The following PDE10A variants were observed in gnomAD, a reference collection of about 807,000 sequenced individuals.
PDE10A encodes the protein cAMP and cAMP-inhibited cGMP 3',5'-cyclic phosphodiesterase 10A.
PDE10A carries 39 observed loss-of-function variants against 97.7 expected under a neutral mutation model. The ratio of observed to expected loss-of-function variants is 0.40; its 90% CI spans 0.31 to 0.52. The LOEUF is 0.52. Ranked by LOEUF, PDE10A falls within the 20% of genes least tolerant of loss-of-function variation. PDE10A has a pLI of 0.56. For missense variants in PDE10A, 731 were observed against 1,047.8 expected, an observed-to-expected ratio of 0.70 and a Z score of 4.17; for synonymous variants, 371 against 376.8, an observed-to-expected ratio of 0.98 and a Z score of 0.18.
intron 19 of PDE10A, 111 bp downstream of exon 19, chr6:165,343,280 A>T: frequency 1.3e-6 from 1 of 761,098 alleles, no homozygotes; most frequent in Non-Finnish European, 2.3e-6. Flanking sequence ...GTGACTCACC[A>T]CAGTTCTCTG....
intron 21 of PDE10A, among the ~76,000 whole-genome samples, chr6:165,334,170 G>T (rs183111357): frequency 6.6e-6 from 1 of 152,356 alleles, no homozygotes; most frequent in Admixed American, 6.5e-5. Context: ...TGGCCTTTAA[G>T]AAGTTATGTG....
At chr6:165,935,311 T>C (rs1783287391) in intron 1 of PDE10A, among the ~76,000 whole-genome samples, 1 of 152,180 alleles carries the variant, frequency 6.6e-6, no homozygotes, top group Admixed American at 6.5e-5. Flanking sequence ...AAAATGTGTG[T>C]GCAAAGGCAC....
intron 1 of PDE10A, among the ~76,000 whole-genome samples, chr6:165,631,550 T>C (rs1456516160): frequency 1.3e-5 from 2 of 152,232 alleles, no homozygotes; most frequent in African/African-American, 4.8e-5. Flanking sequence ...TGCTAAGTTA[T>C]CTACATTACT....
At chr6:165,557,509 A>G (rs1784315108) in intron 1 of PDE10A, among the ~76,000 whole-genome samples, 1 of 152,178 alleles carries the variant, frequency 6.6e-6, no homozygotes, top group East Asian at 1.9e-4. Flanking sequence ...GGTATTCTAT[A>G]AATTATTCCT....
At chr6:165,650,972 GT>G in intron 1 of PDE10A, among the ~76,000 whole-genome samples, 1 of 152,260 alleles carries the variant, frequency 6.6e-6, no homozygotes, top group South Asian at 2.1e-4. Context: ...TCTTGACCTC[GT>G]GATCCACCCA....
intron 3 of PDE10A, among the ~76,000 whole-genome samples, chr6:165,480,478 T>A (rs1044282079): frequency 1.3e-5 from 2 of 151,572 alleles, no homozygotes; most frequent in African/African-American, 2.4e-5. Context: ...CCCAGCTATT[T>A]AGGAGGCTGA....
chr6:165,908,109 C>T (rs193200897), intron 1 of PDE10A, among the ~76,000 whole-genome samples: 8 of 152,334 alleles, frequency 5.3e-5, no homozygotes, highest in Admixed American at 1.3e-4. Flanking sequence ...AGCAAGAACA[C>T]TTTGAAAAGT....
chr6:165,938,202 T>C (rs1055298809), intron 1 of PDE10A, among the ~76,000 whole-genome samples: 3 of 152,186 alleles, frequency 2.0e-5, no homozygotes, highest in African/African-American at 7.2e-5. Context: ...AACAACCTTG[T>C]GAAACAGGTC....
At chr6:165,830,628 G>C (rs546712696) in intron 1 of PDE10A, among the ~76,000 whole-genome samples, 1 of 152,230 alleles carries the variant, frequency 6.6e-6, no homozygotes, top group African/African-American at 2.4e-5. Flanking sequence ...CTTAGGAAGT[G>C]GGACCAGGGC....
At chr6:165,810,465 C>T (rs1295767256) in intron 1 of PDE10A, among the ~76,000 whole-genome samples, 2 of 152,144 alleles carry the variant, frequency 1.3e-5, no homozygotes, top group Admixed American at 6.5e-5. Context: ...TTCACTTCAC[C>T]ATCACATCCT....
intron 20 of PDE10A, among the ~76,000 whole-genome samples, chr6:165,339,076 C>G (rs1400398133): frequency 6.6e-6 from 1 of 152,208 alleles, no homozygotes; most frequent in Admixed American, 6.5e-5. Flanking sequence ...GATGATTATT[C>G]AGGGTAAACA....
chr6:165,868,935 G>A (rs1024232878), intron 1 of PDE10A, among the ~76,000 whole-genome samples: 3 of 151,138 alleles, frequency 2.0e-5, no homozygotes, highest in African/African-American at 7.3e-5. Flanking sequence ...GTTATCATAT[G>A]GAAAGAACAT....
intron 1 of PDE10A, among the ~76,000 whole-genome samples, chr6:165,798,791 G>A (rs1778898521): frequency 6.6e-6 from 1 of 152,122 alleles, no homozygotes; most frequent in African/African-American, 2.4e-5. Flanking sequence ...TCGGCTCACT[G>A]CAACATCCCA....
In PDE10A at chr6:165,447,112, A is replaced by T. The variant is rs1583301416; in HGVS notation, c.1194+1816T>A. On this transcript the variant is annotated intron_variant, in intron 5 of 21. Coordinates refer to ENST00000539869, the MANE Select transcript of PDE10A (RefSeq NM_001385079.1). ...AAATAAAGCAAAAAAAAAAAATAAA[A>T]TTTTTTAAGCCAAGTGATTAAGAAT... 4.6e-5 allele frequency among the ~76,000 whole-genome samples: 7 copies of T among 152,216 alleles called. 1 individual carries two copies. In the South Asian group the frequency reaches 1.5e-3, roughly 32 times the overall value.
chr6:165,483,366 C>T (rs1779714873), intron 2 of PDE10A, among the ~76,000 whole-genome samples: 1 of 152,178 alleles, frequency 6.6e-6, no homozygotes, highest in South Asian at 2.1e-4. Flanking sequence ...TACACACTTG[C>T]TCATATATTT....
intron 1 of PDE10A, among the ~76,000 whole-genome samples, chr6:165,750,124 G>T (rs1252200425): frequency 2.0e-5 from 3 of 152,164 alleles, no homozygotes; most frequent in Non-Finnish European, 4.4e-5. Context: ...GAGGAGATGG[G>T]CACAGGGCAG....
Position 165,474,107 on chromosome 6 carries a change from G to T in PDE10A, c.1023+8208C>A, listed in dbSNP as rs563911694. Among the ~76,000 whole-genome samples, 4 of 152,234 alleles carry T rather than the reference G, an allele frequency of 2.6e-5. No individual in the cohort carries two copies. In the East Asian group the frequency reaches 7.7e-4, roughly 29 times the overall value. ...ATTATGTTAATCCTCCTTTTTGGGGGAATGTCTTTTATAGAGTTCTCTCTT... is the reference window on the plus strand; with the variant it reads ...ATTATGTTAATCCTCCTTTTTGGGGTAATGTCTTTTATAGAGTTCTCTCTT... On this transcript the variant is annotated intron_variant, in intron 3 of 21. Transcript: ENST00000539869.
chr6:165,985,985 G>T (rs1462077105), intron 1 of PDE10A: 1 of 152,708 alleles, frequency 6.5e-6, no homozygotes, highest in African/African-American at 2.4e-5. Context: ...TACTCAAGTT[G>T]TCTTGCTATA....
intron 2 of PDE10A, among the ~76,000 whole-genome samples, chr6:165,501,518 A>G (rs1326766648): frequency 6.6e-6 from 1 of 151,768 alleles, no homozygotes; most frequent in African/African-American, 2.4e-5. Context: ...GCTTGCAGTG[A>G]GCAGAGATCG....
Sources: allele counts gnomAD v4.1 joint callset (sites outside exome capture counted in the v4.1 genomes callset), GRCh38; gene constraint gnomAD v4.1.1; transcripts MANE v1.5; gene names NCBI Gene and HGNC (gene_info 2026-07-23, HGNC 2026-07-21).